Variants in DIP2C observed in about 807,000 individuals in gnomAD.
DIP2C encodes the protein disco-interacting protein 2 homolog C.
Under a neutral mutation model 192.4 loss-of-function variants are expected in DIP2C, and 33 were observed. The observed-to-expected ratio is 0.17, with a 90% CI of 0.13 to 0.23. The LOEUF is 0.23. Ranked by LOEUF, DIP2C falls within the 10% of genes least tolerant of loss-of-function variation. The pLI is 1.00. For missense variants in DIP2C, 1,537 were observed against 2,110.1 expected (o/e 0.73, Z 5.32); for synonymous variants, 979 against 864.1 (o/e 1.13, Z -2.33).
rs180821216 is a variant in DIP2C, at chr10:312,613, G to A, written c.3925-2521C>T. On this transcript the variant is annotated intron_variant, in intron 31 of 36. Coordinates refer to ENST00000280886, the MANE Select transcript of DIP2C (RefSeq NM_014974.3). ...GCCAAGTCTATGAAAATAAGCAATG[G>A]TTCAAGATTTTAAAAGAAAATCACG... Among the ~76,000 whole-genome samples, 113 of 152,182 alleles carry A rather than the reference G, an allele frequency of 7.4e-4. 1 individual carries two copies. Among genetic ancestry groups the A allele is most frequent in the African/African-American group, 2.6e-3 (109 of 41,510 alleles).
chr10:653,042 C>T (rs1395541549), intron 1 of DIP2C, among the ~76,000 whole-genome samples: 2 of 151,856 alleles, frequency 1.3e-5, no homozygotes, highest in African/African-American at 4.8e-5. Flanking sequence ...GACGCGGCCT[C>T]GAGCCTGGAA....
At chr10:592,209 A>G (rs75955020) in intron 1 of DIP2C, among the ~76,000 whole-genome samples, 9,002 of 152,254 alleles carry the variant, frequency 0.059, 885 homozygotes, top group African/African-American at 0.2. Context: ...CGGAGGACCC[A>G]TTCAGATGAC....
rs568679058 is a variant in DIP2C at position 636,308 on chromosome 10, A to T, written c.85+53186T>A. Among the ~76,000 whole-genome samples the T allele has an allele frequency of 3.3e-5, 5 of 152,310 alleles. No homozygotes were observed. The highest frequency in any genetic ancestry group is 3.3e-4 in the Admixed American group (5 of 15,300). On this transcript the variant is annotated intron_variant, in intron 1 of 36. Transcript: ENST00000280886. The surrounding 1 kb of genome is among the most constrained non-coding windows in gnomAD (Gnocchi z 4.6). ...TTTACTTTCCCACATTTTCATTATGAAAATGTTCAAACATATTTAAAAAGT... is the reference window on the plus strand; with the variant it reads ...TTTACTTTCCCACATTTTCATTATGTAAATGTTCAAACATATTTAAAAAGT...
intron 13 of DIP2C, among the ~76,000 whole-genome samples, chr10:389,425 C>T (rs1963275683): frequency 6.6e-6 from 1 of 152,158 alleles, no homozygotes; most frequent in African/African-American, 2.4e-5. Context: ...CCTCCCATAC[C>T]AGCCCACCCG....
At chr10:369,442 A>G (rs1960692691) in intron 18 of DIP2C, 52 bp downstream of exon 18, 14 of 1,479,986 alleles carry the variant, frequency 9.5e-6, no homozygotes, top group Non-Finnish European at 1.3e-5. Context: ...GACATGTGTT[A>G]GAAAAGCATT....
intron 32 of DIP2C, among the ~76,000 whole-genome samples, chr10:290,763 A>G (rs1353084898): frequency 6.6e-6 from 1 of 152,250 alleles, no homozygotes; most frequent in Non-Finnish European, 1.5e-5. Flanking sequence ...TACAAAGGCC[A>G]GGTGACCAGC....
intron 17 of DIP2C, 182 bp from the exon 18 acceptor site, chr10:369,815 G>T: frequency 7.7e-7 from 1 of 1,297,074 alleles, no homozygotes; most frequent in Non-Finnish European, 1.1e-6. Flanking sequence ...TGAACAGCTG[G>T]CAGCGAGTCT....
rs1385725639 is a variant in DIP2C, at chr10:651,231, T to C, written c.85+38263A>G. 7.0e-6 allele frequency: 5 copies of C among 716,820 alleles called. No homozygotes were observed. Among genetic ancestry groups the C allele is most frequent in the Non-Finnish European group, 1.3e-5 (5 of 385,124 alleles). The allele number at this position is 716,820 out of a possible 1,614,324, so 44.4% of individuals were successfully genotyped here. A position where few individuals can be genotyped will look rare whatever the true frequency, so the allele number is the denominator to read the frequency against. On this transcript the variant is annotated intron_variant, in intron 1 of 36. Transcript: ENST00000280886. The surrounding 1 kb of genome is among the most constrained non-coding windows in gnomAD (Gnocchi z 4.1). ...CCTGTCCTCACCTGCATCACACCAA[T>C]GATGGCGTCACAGCGTGGGTTCCGG...
chr10:383,478 G>A (rs1407682830), intron 16 of DIP2C, among the ~76,000 whole-genome samples: 1 of 152,190 alleles, frequency 6.6e-6, no homozygotes. Context: ...ATTTCTCAAG[G>A]TGTATTTATA....
Position 574,825 on chromosome 10 carries a change from C to T in DIP2C, c.86-88295G>A, listed in dbSNP as rs141046650. Reference sequence around the variant, plus strand: ...GTGCAGGACCAGAAGCATCGCAACGCGGTTTCCTGTTCTGGTGTTCAATGC... The same window carrying T: ...GTGCAGGACCAGAAGCATCGCAACGTGGTTTCCTGTTCTGGTGTTCAATGC... On this transcript the variant is annotated intron_variant, in intron 1 of 36. Transcript: ENST00000280886. Among the ~76,000 whole-genome samples, 16 of 152,328 alleles carry T rather than the reference C, an allele frequency of 1.1e-4. No individual in the cohort carries two copies. The East Asian group carries it at 1.3e-3, about 13-fold the overall frequency.
intron 1 of DIP2C, among the ~76,000 whole-genome samples, chr10:556,572 A>T: frequency 6.6e-6 from 1 of 151,104 alleles, no homozygotes. Context: ...TCACAGACCC[A>T]GTCACTCCAA....
intron 22 of DIP2C, among the ~76,000 whole-genome samples, 196 bp downstream of exon 22, chr10:362,294 T>C (rs1263259378): frequency 6.6e-6 from 1 of 152,182 alleles, no homozygotes; most frequent in Non-Finnish European, 1.5e-5. Flanking sequence ...CTACAGAGAA[T>C]AAAAGCAAGG....
At position 349,312 on chromosome 10, in the gene DIP2C, GC is replaced by G; in HGVS notation, c.3109+18del. On this transcript the variant is annotated intron_variant, in intron 25 of 36. Coordinates refer to ENST00000280886, the MANE Select transcript of DIP2C (RefSeq NM_014974.3). ...ACCGGCTTGCCATCTCTCAGGGGAAGCCCACCCTGCGCCTGTACCTGGGGGG... is the reference window on the plus strand; with the variant it reads ...ACCGGCTTGCCATCTCTCAGGGGAAGCCACCCTGCGCCTGTACCTGGGGGG... The G allele has an allele frequency of 6.3e-7, 1 of 1,595,298 alleles. No individual in the cohort carries two copies.
intron 4 of DIP2C, among the ~76,000 whole-genome samples, chr10:426,790 G>A (rs1966624521): frequency 6.6e-6 from 1 of 152,026 alleles, no homozygotes; most frequent in South Asian, 2.1e-4. Context: ...TGTGGCAACT[G>A]GGTACCCAAC....
intron 17 of DIP2C, among the ~76,000 whole-genome samples, chr10:379,200 C>CT (rs1962080550): frequency 4.1e-5 from 1 of 24,282 alleles, no homozygotes; most frequent in Non-Finnish European, 9.0e-5. Context: ...CCCCCCCCCC[C>CT]CCCCACAACC....
At chr10:620,635 A>G (rs185129585) in intron 1 of DIP2C, among the ~76,000 whole-genome samples, 2 of 152,362 alleles carry the variant, frequency 1.3e-5, no homozygotes, top group Admixed American at 1.3e-4. Flanking sequence ...GAATTGGAAA[A>G]GCAGAAGTGA....
intron 5 of DIP2C, 46 bp downstream of exon 5, chr10:422,778 G>A (rs1442726516): frequency 6.3e-7 from 1 of 1,575,198 alleles, no homozygotes; most frequent in Non-Finnish European, 8.6e-7. Context: ...CACACACAAA[G>A]GCGTTTACAC....
chr10:424,413 T>TGCTC (rs1487786536), intron 4 of DIP2C, among the ~76,000 whole-genome samples: 4 of 135,710 alleles, frequency 2.9e-5, no homozygotes, highest in Non-Finnish European at 6.1e-5. Context: ...TTGCCCAGGC[T>TGCTC]GGAGAGCAGT....
intron 30 of DIP2C, 107 bp downstream of exon 30, chr10:329,326 C>A: frequency 1.6e-6 from 2 of 1,234,770 alleles, no homozygotes; most frequent in Non-Finnish European, 2.2e-6. Context: ...TAAACCCAGG[C>A]TTTGTTTTGG....
Sources: gnomAD v4.1 joint callset for allele counts (sites outside exome capture counted in the v4.1 genomes callset) on GRCh38, gnomAD v4.1.1 for gene constraint, Gnocchi (gnomAD v3.1) non-coding constraint, MANE v1.5 for transcripts, NCBI Gene and HGNC (gene_info 2026-07-23, HGNC 2026-07-21) for gene names.